RPS6KC1: variants seen among roughly 807,000 people sequenced by gnomAD.
The protein encoded by RPS6KC1 is inactive ribosomal protein S6 kinase delta-1.
Under a neutral mutation model 103.8 loss-of-function variants are expected in RPS6KC1, and 54 were observed. That is an observed-to-expected ratio of 0.52 (90% CI 0.42 to 0.65). The LOEUF (loss-of-function observed/expected upper bound fraction) is 0.65. Ranked by LOEUF, RPS6KC1 falls within the 30% of genes least tolerant of loss-of-function variation. RPS6KC1 has a pLI of 0.00. For missense variants in RPS6KC1, 1,151 were observed against 1,253.8 expected, an observed-to-expected ratio of 0.92 and a Z score of 1.24; for synonymous variants, 439 against 438.7, an observed-to-expected ratio of 1.00 and a Z score of -0.01.
chr1:213,745,373 T>C, the RPS6KC1 span, among the ~76,000 whole-genome samples: 5 of 143,422 alleles, frequency 3.5e-5, no homozygotes, highest in African/African-American at 1.3e-4. Flanking sequence ...GTTTGTGGAA[T>C]CAAAACGCCT....
intron 6 of RPS6KC1, among the ~76,000 whole-genome samples, chr1:213,165,556 TG>T (rs964807263): frequency 6.6e-6 from 1 of 152,176 alleles, no homozygotes; most frequent in Non-Finnish European, 1.5e-5. Flanking sequence ...CTTGAGTAGC[TG>T]GGACTACAGG....
intron 3 of RPS6KC1, among the ~76,000 whole-genome samples, chr1:213,101,759 C>A (rs1031335400): frequency 6.6e-6 from 1 of 152,050 alleles, no homozygotes; most frequent in Non-Finnish European, 1.5e-5. Context: ...TACACAATTA[C>A]TAATATTAAT....
At chr1:213,425,243 A>G in the RPS6KC1 span, among the ~76,000 whole-genome samples, 3 of 152,214 alleles carry the variant, frequency 2.0e-5, no homozygotes, top group Non-Finnish European at 4.4e-5. Flanking sequence ...TTACAATTAT[A>G]CTATCCTTGA....
At chr1:213,460,799 C>T in the RPS6KC1 span, among the ~76,000 whole-genome samples, 2 of 152,130 alleles carry the variant, frequency 1.3e-5, no homozygotes, top group Admixed American at 1.3e-4. Context: ...ACAGAAATCT[C>T]TCAGTATTTG....
chr1:213,095,070 C>G (rs1289974726), intron 3 of RPS6KC1, among the ~76,000 whole-genome samples: 1 of 152,186 alleles, frequency 6.6e-6, no homozygotes, highest in Non-Finnish European at 1.5e-5. Context: ...TCCTTGAACC[C>G]TTCCCTAACA....
chr1:213,602,170 C>CTTTCTTTCTT, the RPS6KC1 span, among the ~76,000 whole-genome samples: 1 of 96,844 alleles, frequency 1.0e-5, no homozygotes, highest in Non-Finnish European at 2.0e-5. Flanking sequence ...TTCTTTCTTT[C>CTTTCTTTCTT]TTTCTTTCTT....
chr1:213,858,090 C>G, the RPS6KC1 span, among the ~76,000 whole-genome samples: 1 of 152,302 alleles, frequency 6.6e-6, no homozygotes, highest in Non-Finnish European at 1.5e-5. Flanking sequence ...ATCATCTCAA[C>G]CACCATGTGT....
chr1:213,058,658 T>C (rs1294050687), intron 1 of RPS6KC1, among the ~76,000 whole-genome samples: 1 of 152,222 alleles, frequency 6.6e-6, no homozygotes, highest in Non-Finnish European at 1.5e-5. Flanking sequence ...TTGATTATTA[T>C]AGCTTTATAC....
At chr1:213,082,272 A>G (rs1020540127) in intron 3 of RPS6KC1, among the ~76,000 whole-genome samples, 1 of 149,546 alleles carries the variant, frequency 6.7e-6, no homozygotes, top group Non-Finnish European at 1.5e-5. Flanking sequence ...TACAAAAAAG[A>G]AAAAAAAAAT....
chr1:213,277,550 C>CT (rs1232216725), downstream of RPS6KC1, among the ~76,000 whole-genome samples: 7 of 152,344 alleles, frequency 4.6e-5, 1 homozygote, highest in African/African-American at 1.7e-4. Flanking sequence ...GATTTAAAGT[C>CT]TAATTCTTTG....
chr1:213,494,920 T>A, the RPS6KC1 span, among the ~76,000 whole-genome samples: 1 of 150,586 alleles, frequency 6.6e-6, no homozygotes, highest in Non-Finnish European at 1.5e-5. Flanking sequence ...CCTTTAAAAA[T>A]CACATAGATA....
chr1:213,619,908 G>A, the RPS6KC1 span, among the ~76,000 whole-genome samples: 2 of 152,150 alleles, frequency 1.3e-5, no homozygotes, highest in African/African-American at 4.8e-5. Context: ...GTAGTAGAGG[G>A]AAAAGTTAAT....
At chr1:213,760,670 ATTAT>A in the RPS6KC1 span, among the ~76,000 whole-genome samples, 1 of 152,184 alleles carries the variant, frequency 6.6e-6, no homozygotes, top group African/African-American at 2.4e-5. Flanking sequence ...TGGATAATGG[ATTAT>A]TTAACTGACC....
At chr1:213,800,770 A>G in the RPS6KC1 span, among the ~76,000 whole-genome samples, 1 of 152,170 alleles carries the variant, frequency 6.6e-6, no homozygotes, top group Non-Finnish European at 1.5e-5. Flanking sequence ...TTTAAATCTG[A>G]GAGCATCAAA....
the RPS6KC1 span, among the ~76,000 whole-genome samples, chr1:213,669,691 T>G: frequency 9.9e-5 from 15 of 152,164 alleles, 2 homozygotes; most frequent in Admixed American, 9.8e-4. Flanking sequence ...TAAAATGAGG[T>G]TTGCCCATCA....
chr1:213,662,220 G>T, the RPS6KC1 span, among the ~76,000 whole-genome samples: 12 of 61,580 alleles, frequency 1.9e-4, no homozygotes, highest in Admixed American at 2.6e-4. Flanking sequence ...TAGCCTGTGT[G>T]CCTAGAAAAA....
At chr1:213,281,941 C>G in the RPS6KC1 span, among the ~76,000 whole-genome samples, 22 of 152,184 alleles carry the variant, frequency 1.4e-4, no homozygotes, top group Non-Finnish European at 3.1e-4. Context: ...TACCAAGAGA[C>G]TCTTCCACAG....
At chr1:213,340,801 T>G in the RPS6KC1 span, among the ~76,000 whole-genome samples, 2 of 152,130 alleles carry the variant, frequency 1.3e-5, no homozygotes, top group African/African-American at 2.4e-5. Flanking sequence ...GGAAACTTCC[T>G]GTGAATGGAC....
At chr1:213,770,601 G>A in the RPS6KC1 span, among the ~76,000 whole-genome samples, 6 of 152,178 alleles carry the variant, frequency 3.9e-5, no homozygotes, top group African/African-American at 1.4e-4. Context: ...CAACAAGGCA[G>A]TGGAAAGACC....
Sources: gnomAD v4.1 joint callset for allele counts (sites outside exome capture counted in the v4.1 genomes callset) on GRCh38, gnomAD v4.1.1 for gene constraint, MANE v1.5 for transcripts, NCBI Gene and HGNC (gene_info 2026-07-23, HGNC 2026-07-21) for gene names.